The following TLR2 variants were observed in gnomAD, a reference collection of about 807,000 sequenced individuals.
The protein encoded by TLR2 is toll like receptor 2.
TLR2 carries 7 observed loss-of-function variants against 9.1 expected under a neutral mutation model. The ratio of observed to expected loss-of-function variants is 0.77; its 90% CI spans 0.44 to 1.44. TLR2 has a LOEUF of 1.44. Among genes scored for constraint, TLR2 ranks in the 40% most tolerant of loss-of-function variants. The pLI is 0.01. For synonymous variants in TLR2, 317 were observed against 344.6 expected, an observed-to-expected ratio of 0.92 and a Z score of 0.89; for missense variants, 812 against 904.6, an observed-to-expected ratio of 0.90 and a Z score of 1.31.
At chr4:153,689,874 C>T (rs925878670) in intron 2 of TLR2, among the ~76,000 whole-genome samples, 9 of 152,172 alleles carry the variant, frequency 5.9e-5, no homozygotes, top group African/African-American at 1.9e-4. Flanking sequence ...GATCTGTCCC[C>T]AGGTAGATGG....
intron 2 of TLR2, among the ~76,000 whole-genome samples, chr4:153,698,330 A>G (rs533484184): frequency 1.3e-5 from 2 of 152,314 alleles, no homozygotes; most frequent in African/African-American, 4.8e-5. Flanking sequence ...TGAAATTGTT[A>G]AGATATGCAA....
intron 2 of TLR2, among the ~76,000 whole-genome samples, chr4:153,700,018 G>A (rs955750612): frequency 6.6e-6 from 1 of 152,108 alleles, no homozygotes; most frequent in Admixed American, 6.5e-5. Context: ...TTTGACCTTA[G>A]GAAGCCTTTA....
rs1491323567 is a variant in TLR2 at position 153,702,761 on chromosome 4, T to TG, written c.-16-131_-16-130insG. The TG allele has an allele frequency of 6.7e-5, 36 of 541,240 alleles. No individual in the cohort carries two copies. In the East Asian group the frequency reaches 8.6e-4, roughly 13 times the overall value. The allele number at this position is 541,240 out of a possible 1,614,324, so 33.5% of individuals were successfully genotyped here. On this transcript the variant is annotated intron_variant, in intron 2 of 2. Transcript: ENST00000642700. ...TCATCTGTTTCTCTCTCTCTCTCTCTTTGTGTGTGTGTGTGTGTGTGTGTG... is the reference window on the plus strand; with the variant it reads ...TCATCTGTTTCTCTCTCTCTCTCTCTGTTGTGTGTGTGTGTGTGTGTGTGTG...
rs528846966 is a variant in TLR2 at position 153,684,761 on chromosome 4, G to A, written c.-163+401G>A. Among the ~76,000 whole-genome samples the A allele has an allele frequency of 2.6e-5, 4 of 151,322 alleles. No individual in the cohort carries two copies. The East Asian group carries it at 5.8e-4, about 22-fold the overall frequency. ...GGCCCCGGGGGGGTTGCCGCGGAGA[G>A]CTTCCGCTGGGGCTCCGGGCCTCTG... On this transcript the variant is annotated intron_variant, in intron 1 of 2. Coordinates refer to ENST00000642700, the MANE Select transcript of TLR2 (RefSeq NM_001318789.2).
intron 2 of TLR2, among the ~76,000 whole-genome samples, chr4:153,690,856 A>G (rs944950915): frequency 6.6e-6 from 1 of 152,238 alleles, no homozygotes; most frequent in African/African-American, 2.4e-5. Flanking sequence ...GTCCTGGAAG[A>G]GGTGTATGAG....
In TLR2 at chr4:153,703,870, G is replaced by T. The variant is rs1036588389; in HGVS notation, c.963G>T (p.Arg321Ser). 6.2e-7 allele frequency: 1 copy of T among 1,614,042 alleles called. No homozygotes were observed. Among genetic ancestry groups the T allele is most frequent in the Admixed American group, 1.7e-5 (1 of 60,010 alleles). ...TLTIRRLHIP[R>S]FYLFYDLSTL... is the part of the protein sequence containing the mutation. Reference sequence around the variant, plus strand: ...CAATCCGGAGGCTGCATATTCCAAGGTTTTACTTATTTTATGATCTGAGCA... The same window carrying T: ...CAATCCGGAGGCTGCATATTCCAAGTTTTTACTTATTTTATGATCTGAGCA... Residue 321 changes from arginine to serine, a missense_variant, in exon 3 of 3, where the codon AGG becomes AGT. Arg to Ser is a moderately radical substitution (Grantham distance 110, BLOSUM62 -1). Coordinates refer to ENST00000642700, the MANE Select transcript of TLR2 (RefSeq NM_001318789.2).
At position 153,703,840 on chromosome 4, in the gene TLR2, G is replaced by T; in HGVS notation, c.933G>T (p.Thr311=). 6.2e-7 allele frequency: 1 copy of T among 1,614,006 alleles called. No homozygotes were observed. The highest frequency in any genetic ancestry group is 8.5e-7 in the Non-Finnish European group (1 of 1,179,986). ...TTATAGATCCAGGTAAAGTGGAAAC[G>T]TTAACAATCCGGAGGCTGCATATTC... is the stretch of plus-strand genomic sequence containing the variant. ...DRVIDPGKVE[T]LTIRRLHIPR... Residue 311 remains threonine, a synonymous_variant, in exon 3 of 3, where the codon ACG becomes ACT. Coordinates refer to ENST00000642700, the MANE Select transcript of TLR2 (RefSeq NM_001318789.2).
intron 2 of TLR2, among the ~76,000 whole-genome samples, chr4:153,697,285 T>A (rs959997516): frequency 6.6e-6 from 1 of 152,188 alleles, no homozygotes; most frequent in Non-Finnish European, 1.5e-5. Context: ...GGAGTATTGG[T>A]CTGCTCTTAA....
At chr4:153,708,142 G>C (rs761323655), downstream of TLR2, among the ~76,000 whole-genome samples, 63 of 152,078 alleles carry the variant, frequency 4.1e-4, no homozygotes, top group Non-Finnish European at 8.2e-4. Context: ...TTTTTTCTGA[G>C]GCTGTTTAGT....
chr4:153,708,369 G>A (rs1353779420), downstream of TLR2, among the ~76,000 whole-genome samples: 2 of 152,192 alleles, frequency 1.3e-5, no homozygotes. Flanking sequence ...CAAATGTGAA[G>A]TCTTTTATTT....
intron 2 of TLR2, among the ~76,000 whole-genome samples, chr4:153,700,368 C>T (rs1736801107): frequency 6.6e-6 from 1 of 152,080 alleles, no homozygotes; most frequent in Admixed American, 6.5e-5. Context: ...ATAAATCTCA[C>T]AAAATATGCT....
At chr4:153,710,265 G>C (rs901628676), downstream of TLR2, 4 of 896,212 alleles carry the variant, frequency 4.5e-6, no homozygotes, top group Admixed American at 1.0e-4. Context: ...AGTTTACTTA[G>C]TTTTCTAAAC....
chr4:153,685,048 T>A (rs561910222), intron 1 of TLR2, among the ~76,000 whole-genome samples: 1 of 152,316 alleles, frequency 6.6e-6, no homozygotes, highest in African/African-American at 2.4e-5. Context: ...TGGGAAAGGT[T>A]CCGTGCTCTG....
At chr4:153,710,229 C>T, downstream of TLR2, 6 of 604,942 alleles carry the variant, frequency 9.9e-6, no homozygotes, top group Non-Finnish European at 1.6e-5. Flanking sequence ...AAATTCTTTC[C>T]ACATGGACAA....
rs1381043290 is a variant in TLR2 at position 153,706,083 on chromosome 4, G to T, written c.*821G>T. On this transcript the variant is annotated 3_prime_UTR_variant, in exon 3 of 3. Coordinates refer to ENST00000642700, the MANE Select transcript of TLR2 (RefSeq NM_001318789.2). ...GTGTATTTCCTATTAAACTTTACAG[G>T]ATGAGAAATACTAGAGGGTGTATTT... Among the ~76,000 whole-genome samples the T allele has an allele frequency of 6.6e-6, 1 of 152,208 alleles. No individual in the cohort carries two copies. Among genetic ancestry groups the T allele is most frequent in the Non-Finnish European group, 1.5e-5 (1 of 68,038 alleles).
Position 153,705,521 on chromosome 4 carries a change from T to C in TLR2, c.*259T>C. On this transcript the variant is annotated 3_prime_UTR_variant, in exon 3 of 3. Transcript: ENST00000642700. ...TAAGTCTATTACTGATATCTGAATA[T>C]AGTCCCTTGGTATCCAAGGGAATTG... is the stretch of plus-strand genomic sequence containing the variant. 1 of 308,824 alleles carries C rather than the reference T, an allele frequency of 3.2e-6. No homozygotes were observed. Among genetic ancestry groups the C allele is most frequent in the Non-Finnish European group, 6.3e-6 (1 of 158,754 alleles). The allele number at this position is 308,824 out of a possible 1,614,324, so 19.1% of individuals were successfully genotyped here. A position where few individuals can be genotyped will look rare whatever the true frequency, so the allele number is the denominator to read the frequency against.
chr4:153,693,784 T>C (rs186546004), intron 2 of TLR2, among the ~76,000 whole-genome samples: 94 of 152,292 alleles, frequency 6.2e-4, no homozygotes, highest in Non-Finnish European at 1.1e-3. Context: ...CCCTGATGCT[T>C]CCGAGCTCCC....
chr4:153,710,175 A>C, downstream of TLR2: 1 of 479,788 alleles, frequency 2.1e-6, no homozygotes, highest in Non-Finnish European at 3.7e-6. Context: ...GGAAAGATGA[A>C]AAAACATGCT....
chr4:153,706,282 T>G (rs1161906341), downstream of TLR2, among the ~76,000 whole-genome samples: 1 of 152,196 alleles, frequency 6.6e-6, no homozygotes, highest in East Asian at 1.9e-4. Context: ...CGGACTCTGG[T>G]CTTCCTCAGC....
Sources: allele counts gnomAD v4.1 joint callset (sites outside exome capture counted in the v4.1 genomes callset), GRCh38; gene constraint gnomAD v4.1.1; transcripts MANE v1.5; gene names NCBI Gene and HGNC (gene_info 2026-07-23, HGNC 2026-07-21).